Variants in RARB observed in about 807,000 individuals in gnomAD.
RARB encodes HBV-activated protein.
A neutral mutation model predicts 51.9 loss-of-function variants in RARB; 17 were observed. The ratio of observed to expected loss-of-function variants is 0.33; its 90% CI spans 0.22 to 0.49. The LOEUF is 0.49. RARB is among the 20% of genes least tolerant of loss of function. The pLI is 0.99. For synonymous variants in RARB, 215 were observed against 195.4 expected (o/e 1.10, Z -0.84); for missense variants, 369 against 550.8 (o/e 0.67, Z 3.30).
chr3:25,136,891 T>G (rs190393110), intron 4 of RARB, among the ~76,000 whole-genome samples: 289 of 152,116 alleles, frequency 1.9e-3, no homozygotes, highest in Middle Eastern at 3.4e-3. Flanking sequence ...GAATACATAT[T>G]TGGCAAGTTG....
At chr3:25,441,321 T>G in intron 1 of RARB, 1 of 379,034 alleles carries the variant, frequency 2.6e-6, no homozygotes, top group South Asian at 2.3e-5. Flanking sequence ...AGCAATTTCT[T>G]GCACCACATA....
intron 2 of RARB, among the ~76,000 whole-genome samples, chr3:25,485,010 T>A (rs2125585814): frequency 6.6e-6 from 1 of 152,360 alleles, no homozygotes; most frequent in East Asian, 1.9e-4. Flanking sequence ...ATATTACTAA[T>A]GTAAATAATT....
At chr3:25,585,117 T>C (rs1701333780) in intron 5 of RARB, among the ~76,000 whole-genome samples, 1 of 152,172 alleles carries the variant, frequency 6.6e-6, no homozygotes, top group African/African-American at 2.4e-5. Context: ...CTTCCCTCTC[T>C]GAGCCTCAGT....
chr3:24,892,522 T>A lies in RARB; in HGVS notation c.-380+33770T>A, dbSNP rs188465195. On this transcript the variant is annotated intron_variant, in intron 2 of 11. Coordinates refer to the RARB transcript ENST00000383772. ...CATTAAATTTTGCAACCTCAATCAA[T>A]AGTTAAGATATGAGGCTTTTGCAAA... is the stretch of plus-strand genomic sequence containing the variant. Among the ~76,000 whole-genome samples the A allele has an allele frequency of 9.1e-4, 138 of 152,308 alleles. 1 individual carries two copies. The highest frequency in any genetic ancestry group is 1.8e-3 in the Non-Finnish European group (123 of 68,012).
At chr3:24,974,142 T>C (rs1177805446) in intron 2 of RARB, among the ~76,000 whole-genome samples, 1 of 152,118 alleles carries the variant, frequency 6.6e-6, no homozygotes, top group East Asian at 1.9e-4. Flanking sequence ...CCCAGTTTTT[T>C]ATGGTTTTAA....
intron 5 of RARB, among the ~76,000 whole-genome samples, chr3:25,582,678 C>A (rs748477513): frequency 2.0e-5 from 3 of 152,056 alleles, no homozygotes; most frequent in Non-Finnish European, 4.4e-5. Context: ...TTCCTGCCTC[C>A]AGCACCTCTC....
chr3:25,416,811 G>C (rs1309458782), intron 5 of RARB, among the ~76,000 whole-genome samples: 1 of 152,152 alleles, frequency 6.6e-6, no homozygotes, highest in East Asian at 1.9e-4. Context: ...CACGTCACTC[G>C]TTTTGTCATG....
chr3:24,829,770 C>T (rs1012803404), intron 1 of RARB, among the ~76,000 whole-genome samples: 2 of 152,204 alleles, frequency 1.3e-5, no homozygotes, highest in Non-Finnish European at 2.9e-5. Flanking sequence ...ACCCAGGAGT[C>T]GCTGGCAAGT....
intron 5 of RARB, among the ~76,000 whole-genome samples, chr3:25,345,013 T>C (rs1346653810): frequency 6.6e-6 from 1 of 152,222 alleles, no homozygotes; most frequent in African/African-American, 2.4e-5. Flanking sequence ...GCTTGTTTTT[T>C]TGGTTTACAA....
chr3:25,363,221 C>T (rs753595203), intron 5 of RARB, among the ~76,000 whole-genome samples: 28 of 152,086 alleles, frequency 1.8e-4, no homozygotes, highest in Non-Finnish European at 1.3e-4. Context: ...GAGGTATAAG[C>T]GAAGTGTTAT....
At chr3:25,581,228 G>A (rs1701161203) in intron 5 of RARB, among the ~76,000 whole-genome samples, 1 of 152,202 alleles carries the variant, frequency 6.6e-6, no homozygotes, top group African/African-American at 2.4e-5. Flanking sequence ...TTGCTTTGCA[G>A]AATGGTTTAT....
intron 2 of RARB, among the ~76,000 whole-genome samples, chr3:24,908,719 A>G (rs1323530958): frequency 7.0e-6 from 1 of 142,064 alleles, no homozygotes. Context: ...CATCATACAG[A>G]AGGTCTAGGG....
chr3:24,946,858 C>T (rs1252830266), intron 2 of RARB, among the ~76,000 whole-genome samples: 1 of 152,120 alleles, frequency 6.6e-6, no homozygotes, highest in African/African-American at 2.4e-5. Context: ...GGGTGAGACA[C>T]TGTCAATCAT....
chr3:25,269,285 T>C (rs1703196761), intron 5 of RARB, among the ~76,000 whole-genome samples: 1 of 152,204 alleles, frequency 6.6e-6, no homozygotes, highest in Non-Finnish European at 1.5e-5. Context: ...TGAAAGATCA[T>C]GAGCAATAAC....
chr3:25,558,694 C>T (rs73149399), intron 3 of RARB, among the ~76,000 whole-genome samples: 3,588 of 152,176 alleles, frequency 0.024, 152 homozygotes, highest in African/African-American at 0.082. Context: ...CTCTGGATTC[C>T]TAATTCATGC....
intron 5 of RARB, among the ~76,000 whole-genome samples, chr3:25,384,093 C>G (rs1186639733): frequency 6.6e-6 from 1 of 152,126 alleles, no homozygotes; most frequent in African/African-American, 2.4e-5. Context: ...GTCCCCTTAA[C>G]TTCTTGAAAC....
chr3:25,536,533 TA>T (rs1699149412), intron 3 of RARB, among the ~76,000 whole-genome samples: 1 of 152,202 alleles, frequency 6.6e-6, no homozygotes, highest in Non-Finnish European at 1.5e-5. Context: ...TAAAATGTTT[TA>T]AATCAAACCA....
intron 4 of RARB, among the ~76,000 whole-genome samples, chr3:25,169,785 C>T (rs1015368119): frequency 3.3e-5 from 5 of 151,938 alleles, no homozygotes; most frequent in African/African-American, 7.2e-5. Flanking sequence ...TCCAGGAGTT[C>T]GAGACCAGCC....
At position 25,116,668 on chromosome 3, in the gene RARB, T is replaced by A. The variant is rs573690609; in HGVS notation, c.-327-15493T>A. Among the ~76,000 whole-genome samples, 4 of 152,148 alleles carry A rather than the reference T, an allele frequency of 2.6e-5. No individual in the cohort carries two copies. In the East Asian group the frequency reaches 7.8e-4, roughly 30 times the overall value. ...ATGCAAGAGGATGTGAAGCTACCAT[T>A]GACTTTGGTAAGTAAATGGTATCTT... On this transcript the variant is annotated intron_variant, in intron 3 of 11. Coordinates refer to the RARB transcript ENST00000383772.
Sources: allele counts gnomAD v4.1 joint callset (sites outside exome capture counted in the v4.1 genomes callset), GRCh38; gene constraint gnomAD v4.1.1; transcripts MANE v1.5; gene names NCBI Gene and HGNC (gene_info 2026-07-23, HGNC 2026-07-21).